LRP1B: variants seen among roughly 807,000 people sequenced by gnomAD.
The protein encoded by LRP1B is LDL receptor related protein 1B, also known as low-density lipoprotein receptor-related protein 1B.
LRP1B carries 217 observed loss-of-function variants against 556.6 expected under a neutral mutation model. The ratio of observed to expected loss-of-function variants is 0.39; its 90% CI spans 0.35 to 0.44. The LOEUF (loss-of-function observed/expected upper bound fraction) is 0.44, where lower values mean the gene tolerates loss of function less well. Among genes scored for constraint, LRP1B ranks in the 20% least tolerant of loss-of-function variants. The probability of loss-of-function intolerance (pLI) is 1.00; values close to 1 mark genes in which losing one functional copy is unlikely to be tolerated. For missense variants in LRP1B, 5,053 were observed against 5,620.8 expected, an observed-to-expected ratio of 0.90 and a Z score of 3.23; for synonymous variants, 2,047 against 1,865.8, an observed-to-expected ratio of 1.10 and a Z score of -2.50.
intron 2 of LRP1B, among the ~76,000 whole-genome samples, chr2:141,657,747 G>A (rs924086952): frequency 6.6e-6 from 1 of 152,128 alleles, no homozygotes; most frequent in Admixed American, 6.6e-5. Flanking sequence ...GTGTGATTGT[G>A]TTTATGTTGT....
intron 7 of LRP1B, among the ~76,000 whole-genome samples, chr2:141,106,271 A>G (rs1294783288): frequency 1.3e-5 from 2 of 152,196 alleles, no homozygotes; most frequent in Non-Finnish European, 2.9e-5. Flanking sequence ...ATAGAACAAA[A>G]GCAATGATAG....
intron 82 of LRP1B, among the ~76,000 whole-genome samples, chr2:140,319,190 A>G (rs1471563136): frequency 2.0e-5 from 3 of 152,130 alleles, no homozygotes. Flanking sequence ...TTGTGGAAAC[A>G]TGGGATTACA....
intron 11 of LRP1B, among the ~76,000 whole-genome samples, chr2:141,025,677 T>G (rs538106127): frequency 6.6e-6 from 1 of 152,170 alleles, no homozygotes; most frequent in African/African-American, 2.4e-5. Context: ...TCTGCAAATT[T>G]TGGACTTTCC....
chr2:140,985,759 GA>G (rs1696902742), intron 17 of LRP1B, among the ~76,000 whole-genome samples: 2 of 151,204 alleles, frequency 1.3e-5, no homozygotes, highest in African/African-American at 4.9e-5. Context: ...TTTTCCCAGT[GA>G]AATATTTCTA....
chr2:141,288,909 A>G (rs1316316995), intron 3 of LRP1B, among the ~76,000 whole-genome samples: 1 of 152,168 alleles, frequency 6.6e-6, no homozygotes, highest in Admixed American at 6.5e-5. Context: ...TTCCCACTAG[A>G]AAGTGCAGAC....
At chr2:141,045,949 C>T (rs1698855940) in intron 11 of LRP1B, among the ~76,000 whole-genome samples, 1 of 152,028 alleles carries the variant, frequency 6.6e-6, no homozygotes, top group Non-Finnish European at 1.5e-5. Flanking sequence ...AAATGAGATA[C>T]ATGTAAATAT....
intron 85 of LRP1B, among the ~76,000 whole-genome samples, chr2:140,273,601 C>A (rs773405161): frequency 1.3e-5 from 2 of 152,016 alleles, no homozygotes; most frequent in Admixed American, 6.6e-5. Context: ...GAGCTCTCAG[C>A]GGAAGCTGTG....
In LRP1B at chr2:141,803,043, T is replaced by C. The variant is rs147235981; in HGVS notation, c.205+7236A>G. 3.4e-3 allele frequency among the ~76,000 whole-genome samples: 514 copies of C among 152,100 alleles called. 4 individuals carry two copies. The highest frequency in any genetic ancestry group is 0.011 in the African/African-American group (471 of 41,516). On this transcript the variant is annotated intron_variant, in intron 2 of 90. Transcript: ENST00000389484. ...CTCATTTCAAAGTTTTCATTCCCCATAGTTTATAGCCCCGCCTGAGGGACA... is the reference window on the plus strand; with the variant it reads ...CTCATTTCAAAGTTTTCATTCCCCACAGTTTATAGCCCCGCCTGAGGGACA...
At chr2:141,889,650 C>T (rs1292908587) in intron 1 of LRP1B, among the ~76,000 whole-genome samples, 1 of 152,124 alleles carries the variant, frequency 6.6e-6, no homozygotes, top group East Asian at 1.9e-4. Flanking sequence ...CACACAGTGA[C>T]TGTCACACTT....
chr2:141,899,328 CT>C (rs1699549949), intron 1 of LRP1B, among the ~76,000 whole-genome samples: 1 of 152,058 alleles, frequency 6.6e-6, no homozygotes, highest in Admixed American at 6.6e-5. Flanking sequence ...CAAAAGTGCC[CT>C]GTCATGTGGC....
intron 41 of LRP1B, among the ~76,000 whole-genome samples, chr2:140,655,032 G>GTGTATATATATATATATATATA (rs767709816): frequency 4.8e-5 from 7 of 147,092 alleles, no homozygotes; most frequent in African/African-American, 1.8e-4. Flanking sequence ...GTATATGTAT[G>GTGTATATATATATATATATATA]TATATATATA....
chr2:141,276,238 A>C lies in LRP1B; in HGVS notation c.344-21597T>G, dbSNP rs1011989055. Among the ~76,000 whole-genome samples, 6 of 152,220 alleles carry C rather than the reference A, an allele frequency of 3.9e-5. No individual in the cohort carries two copies. In the East Asian group the frequency reaches 1.2e-3, roughly 29 times the overall value. On this transcript the variant is annotated intron_variant, in intron 3 of 90. Coordinates refer to ENST00000389484, the MANE Select transcript of LRP1B (RefSeq NM_018557.3). Reference sequence around the variant, plus strand: ...ACATAACTATCTTCACTTCCTTCGCAGCACTTACCACAGTCTGTAAATTAT... The same window carrying C: ...ACATAACTATCTTCACTTCCTTCGCCGCACTTACCACAGTCTGTAAATTAT...
At chr2:141,780,284 T>C (rs1476918012) in intron 2 of LRP1B, among the ~76,000 whole-genome samples, 6 of 151,728 alleles carry the variant, frequency 4.0e-5, no homozygotes, top group Non-Finnish European at 8.8e-5. Context: ...AAAGTAGTAG[T>C]TTTAAACATT....
rs192378007 is a variant in LRP1B, at chr2:141,390,591, T to C, written c.343+89805A>G. Reference sequence around the variant, plus strand: ...AGTCTATACATACAATGTAATATTATTCAGACATAAATAGGAATGAAGTAC... The same window carrying C: ...AGTCTATACATACAATGTAATATTACTCAGACATAAATAGGAATGAAGTAC... On this transcript the variant is annotated intron_variant, in intron 3 of 90. Transcript: ENST00000389484. Among the ~76,000 whole-genome samples, 9 of 152,340 alleles carry C rather than the reference T, an allele frequency of 5.9e-5. No individual in the cohort carries two copies. The East Asian group carries it at 1.7e-3, about 29-fold the overall frequency.
chr2:141,304,503 G>A (rs1324292033), intron 3 of LRP1B, among the ~76,000 whole-genome samples: 1 of 129,870 alleles, frequency 7.7e-6, no homozygotes, highest in African/African-American at 2.9e-5. Flanking sequence ...TTTTTGAGAT[G>A]GAGTCTCGTT....
At chr2:140,761,744 G>C (rs1223703752) in intron 35 of LRP1B, among the ~76,000 whole-genome samples, 7 of 152,146 alleles carry the variant, frequency 4.6e-5, no homozygotes, top group African/African-American at 1.4e-4. Flanking sequence ...CTTCTGATGA[G>C]ACCACATCTC....
At chr2:141,056,109 G>A (rs1699172721) in intron 9 of LRP1B, among the ~76,000 whole-genome samples, 1 of 151,714 alleles carries the variant, frequency 6.6e-6, no homozygotes, top group South Asian at 2.1e-4. Context: ...AAACTAATAT[G>A]CTTTTAAAAA....
intron 2 of LRP1B, among the ~76,000 whole-genome samples, chr2:141,553,958 T>C (rs1323466442): frequency 1.4e-5 from 2 of 138,632 alleles, no homozygotes; most frequent in Non-Finnish European, 3.0e-5. Context: ...TTAATAGATA[T>C]AGATTATATA....
chr2:140,630,775 T>A (rs1244218275), intron 41 of LRP1B, among the ~76,000 whole-genome samples: 1 of 152,176 alleles, frequency 6.6e-6, no homozygotes, highest in Non-Finnish European at 1.5e-5. Flanking sequence ...ATAACTTTAC[T>A]AGAGCCCTAT....
Sources: gnomAD v4.1 joint callset for allele counts (sites outside exome capture counted in the v4.1 genomes callset) on GRCh38, gnomAD v4.1.1 for gene constraint, MANE v1.5 for transcripts, NCBI Gene and HGNC (gene_info 2026-07-23, HGNC 2026-07-21) for gene names.